Variants in VSTM2A observed in about 807,000 individuals in gnomAD.
The protein encoded by VSTM2A is V-set and transmembrane domain containing 2A.
Under a neutral mutation model 27.3 loss-of-function variants are expected in VSTM2A, and 13 were observed. That is an observed-to-expected ratio of 0.48 (90% CI 0.31 to 0.76). The LOEUF (loss-of-function observed/expected upper bound fraction) is 0.76, where lower values mean the gene tolerates loss of function less well. Among genes scored for constraint, VSTM2A ranks in the 30% least tolerant of loss-of-function variants. The pLI, the probability that VSTM2A is intolerant of heterozygous loss-of-function variation, is 0.05. For missense variants in VSTM2A, 280 were observed against 310.0 expected (o/e 0.90, Z 0.73); for synonymous variants, 142 against 125.7 (o/e 1.13, Z -0.87).
intron 4 of VSTM2A, among the ~76,000 whole-genome samples, chr7:54,561,672 G>C (rs1429023136): frequency 1.3e-5 from 2 of 152,112 alleles, no homozygotes; most frequent in Non-Finnish European, 2.9e-5. Flanking sequence ...TACTAATGAA[G>C]ATAATTAATA....
Position 54,549,833 on chromosome 7 carries a change from G to T in VSTM2A, c.298-1G>T, listed in dbSNP as rs762557896. 1.9e-6 allele frequency: 3 copies of T among 1,568,176 alleles called. No individual in the cohort carries two copies. Among genetic ancestry groups the T allele is most frequent in the Non-Finnish European group, 2.6e-6 (3 of 1,159,254 alleles). On this transcript the variant is annotated splice_acceptor_variant, in intron 3 of 4. Coordinates refer to ENST00000402613, the MANE Select transcript of VSTM2A (RefSeq NM_001301009.2). LOFTEE classifies it high-confidence loss of function. ...TGTTTTTTTTACCTGCAATTTTTCA[G>T]ACAGTGAAAGTCCAAGGCAATGACA... is the stretch of plus-strand genomic sequence containing the variant.
intron 4 of VSTM2A, chr7:54,558,326 G>A (rs1462069664): frequency 1.2e-4 from 18 of 152,126 alleles, no homozygotes; most frequent in Admixed American, 1.1e-3. Context: ...AAATTTCATA[G>A]TTTATGGTAC....
intron 4 of VSTM2A, among the ~76,000 whole-genome samples, chr7:54,556,232 G>A (rs949760209): frequency 3.3e-5 from 5 of 152,160 alleles, no homozygotes; most frequent in Non-Finnish European, 5.9e-5. Context: ...AGTGAAGGTG[G>A]TACTTGTGTC....
chr7:54,542,939 T>C (rs914725690), intron 1 of VSTM2A, 130 bp downstream of exon 1: 69 of 847,116 alleles, frequency 8.1e-5, no homozygotes, highest in Non-Finnish European at 1.0e-4. Context: ...GTATAAATAG[T>C]GTTCTGTTTG....
rs149928933 is a variant in VSTM2A at position 54,551,746 on chromosome 7, C to T, written c.634+1576C>T. 1.8e-3 allele frequency: 274 copies of T among 152,288 alleles called. 1 individual carries two copies. Among genetic ancestry groups the T allele is most frequent in the African/African-American group, 6.0e-3 (248 of 41,560 alleles). 9.4% of individuals were successfully genotyped at this position (152,288 alleles called of 1,614,324 possible). A position where few individuals can be genotyped will look rare whatever the true frequency, so the allele number is the denominator to read the frequency against. ...ACATTATCATAAAAGAAGTTAGACA[C>T]TACAGGCAAGATTACAGAGTAGCCT... On this transcript the variant is annotated intron_variant, in intron 4 of 4. Transcript: ENST00000402613.
At chr7:54,547,665 A>G (rs1259180149) in intron 3 of VSTM2A, among the ~76,000 whole-genome samples, 1 of 152,182 alleles carries the variant, frequency 6.6e-6, no homozygotes, top group Non-Finnish European at 1.5e-5. Context: ...GCATAGCATC[A>G]GTTAATATTA....
chr7:54,560,553 G>T (rs532897997), intron 4 of VSTM2A, among the ~76,000 whole-genome samples: 2 of 152,036 alleles, frequency 1.3e-5, no homozygotes, highest in Non-Finnish European at 2.9e-5. Flanking sequence ...AAGGGAAATC[G>T]GACACAGGAA....
intron 4 of VSTM2A, among the ~76,000 whole-genome samples, chr7:54,568,598 G>A (rs189845392): frequency 1.3e-5 from 2 of 151,320 alleles, no homozygotes; most frequent in East Asian, 3.9e-4. Context: ...TTTGCCCCTC[G>A]TTGAGGAGCC....
intron 2 of VSTM2A, 142 bp from the exon 3 acceptor site, chr7:54,546,805 A>C: frequency 9.9e-6 from 9 of 913,020 alleles, no homozygotes; most frequent in Non-Finnish European, 1.4e-5. Context: ...GGGCCTGGAC[A>C]GGGGTGGCCA....
At chr7:54,568,543 A>C (rs1788792693) in intron 4 of VSTM2A, among the ~76,000 whole-genome samples, 1 of 152,104 alleles carries the variant, frequency 6.6e-6, no homozygotes, top group East Asian at 1.9e-4. Flanking sequence ...AAAAAAAAAA[A>C]ACACTATAAA....
Position 54,542,490 on chromosome 7 carries a change from A to G in VSTM2A, c.-241A>G. ...AAGCAGGCAGCCAGGCAGCCGAGAC[A>G]CTTCCCAGCGATTCCAGCCTGGGCT... On this transcript the variant is annotated 5_prime_UTR_variant, in exon 1 of 5. Coordinates refer to ENST00000402613, the MANE Select transcript of VSTM2A (RefSeq NM_001301009.2). 1.9e-6 allele frequency: 1 copy of G among 532,192 alleles called. No individual in the cohort carries two copies. The highest frequency in any genetic ancestry group is 3.3e-6 in the Non-Finnish European group (1 of 304,394). 33.0% of individuals were successfully genotyped at this position (532,192 alleles called of 1,614,324 possible).
At chr7:54,554,320 T>C (rs565528627) in intron 4 of VSTM2A, among the ~76,000 whole-genome samples, 3 of 152,258 alleles carry the variant, frequency 2.0e-5, no homozygotes, top group East Asian at 3.9e-4. Flanking sequence ...CTCTTAAATA[T>C]AGTTCTTTTC....
chr7:54,550,405 A>G, intron 4 of VSTM2A: 1 of 1,188,476 alleles, frequency 8.4e-7, no homozygotes, highest in Non-Finnish European at 1.1e-6. Flanking sequence ...GGCATCTGAG[A>G]GCTGGACTCT....
At chr7:54,556,672 T>C (rs146750534) in intron 4 of VSTM2A, among the ~76,000 whole-genome samples, 3 of 152,292 alleles carry the variant, frequency 2.0e-5, no homozygotes, top group African/African-American at 4.8e-5. Flanking sequence ...AAAATAGATA[T>C]AAGGGAATGA....
In VSTM2A at chr7:54,547,085, G is replaced by T. The variant is rs1788026207; in HGVS notation, c.297+88G>T. ...CCCGAGAAGGCGGCTTGCCAGCGCT[G>T]CAGGACAGCCGGACAGCCGGGTGCC... On this transcript the variant is annotated intron_variant, in intron 3 of 4. Coordinates refer to ENST00000402613, the MANE Select transcript of VSTM2A (RefSeq NM_001301009.2). 4.1e-6 allele frequency: 6 copies of T among 1,453,442 alleles called. No individual in the cohort carries two copies. The Admixed American group carries it at 1.2e-4, about 28-fold the overall frequency. The allele number at this position is 1,453,442 out of a possible 1,614,324, so 90.0% of individuals were successfully genotyped here. A position where few individuals can be genotyped will look rare whatever the true frequency, so the allele number is the denominator to read the frequency against.
At chr7:54,555,987 A>G (rs59885305) in intron 4 of VSTM2A, among the ~76,000 whole-genome samples, 3,278 of 152,222 alleles carry the variant, frequency 0.022, 109 homozygotes, top group African/African-American at 0.074. Context: ...TAAGTATTCT[A>G]TGTTCCAAAA....
chr7:54,558,050 A>G (rs1226750136), intron 4 of VSTM2A: 1 of 152,216 alleles, frequency 6.6e-6, no homozygotes. Flanking sequence ...CAAGGTTGTA[A>G]CTAGATCTGT....
intron 3 of VSTM2A, among the ~76,000 whole-genome samples, chr7:54,547,780 TA>T (rs1788051311): frequency 6.6e-6 from 1 of 152,164 alleles, no homozygotes; most frequent in Non-Finnish European, 1.5e-5. Context: ...TTTAGAAATC[TA>T]AAATCCCAAT....
At chr7:54,547,523 C>A (rs1029853556) in intron 3 of VSTM2A, among the ~76,000 whole-genome samples, 3 of 152,006 alleles carry the variant, frequency 2.0e-5, no homozygotes, top group African/African-American at 7.2e-5. Context: ...AAATGTAAAA[C>A]CATTATTATA....
Sources: gnomAD v4.1 joint callset for allele counts (sites outside exome capture counted in the v4.1 genomes callset) on GRCh38, gnomAD v4.1.1 for gene constraint, MANE v1.5 for transcripts, NCBI Gene and HGNC (gene_info 2026-07-23, HGNC 2026-07-21) for gene names.